Variants in ZSWIM9 observed in about 807,000 individuals in gnomAD.
ZSWIM9 encodes zinc finger SWIM-type containing 9, also known as uncharacterized protein ZSWIM9.
In ZSWIM9, 11 loss-of-function variants were observed where a neutral mutation model predicts 25.0. That is an observed-to-expected ratio of 0.44 (90% CI 0.28 to 0.73). The LOEUF (loss-of-function observed/expected upper bound fraction) is 0.73, where lower values mean the gene tolerates loss of function less well. Among genes scored for constraint, ZSWIM9 ranks in the 30% least tolerant of loss-of-function variants. ZSWIM9 has a pLI of 0.16. For synonymous variants in ZSWIM9, 562 were observed against 582.1 expected (o/e 0.97, Z 0.50); for missense variants, 1,070 against 1,296.5 (o/e 0.83, Z 2.68).
chr19:48,190,723 G>A (rs2037083930), intron 3 of ZSWIM9: 1 of 152,728 alleles, frequency 6.5e-6, no homozygotes, highest in South Asian at 2.1e-4. Context: ...CCAAAGCCCT[G>A]TCTGAATATG....
intron 2 of ZSWIM9, among the ~76,000 whole-genome samples, chr19:48,176,911 A>AT (rs1432865216): frequency 2.9e-4 from 43 of 150,256 alleles, no homozygotes; most frequent in African/African-American, 1.0e-3. Flanking sequence ...TAAAATAAAA[A>AT]TTAAAAAAAA....
Position 48,172,095 on chromosome 19 carries a change from G to T in ZSWIM9, c.275+18G>T. 3 of 1,492,706 alleles carry T rather than the reference G, an allele frequency of 2.0e-6. No homozygotes were observed. Among genetic ancestry groups the T allele is most frequent in the Non-Finnish European group, 2.7e-6 (3 of 1,119,794 alleles). The allele number at this position is 1,492,706 out of a possible 1,614,324, so 92.5% of individuals were successfully genotyped here. On this transcript the variant is annotated intron_variant, in intron 2 of 3. Transcript: ENST00000614654. Reference sequence around the variant, plus strand: ...GCCGTGGGGTGCGTGAACCTGAGCCGCTGTCCTGCTGGGGGGAAGGGGAGC... The same window carrying T: ...GCCGTGGGGTGCGTGAACCTGAGCCTCTGTCCTGCTGGGGGGAAGGGGAGC...
rs552431037 is a variant in ZSWIM9 at position 48,196,959 on chromosome 19, T to A, written c.*132T>A. The A allele has an allele frequency of 1.1e-6, 1 of 939,990 alleles. No individual in the cohort carries two copies. Among genetic ancestry groups the A allele is most frequent in the African/African-American group, 1.7e-5 (1 of 59,590 alleles). 58.2% of individuals were successfully genotyped at this position (939,990 alleles called of 1,614,324 possible). On this transcript the variant is annotated 3_prime_UTR_variant, in exon 4 of 4. Transcript: ENST00000614654. ...CCACCTTCTGGGTCATCCAGGGACCTCCTCATGGCAGTTTGCCTCTCTGGG... is the reference window on the plus strand; with the variant it reads ...CCACCTTCTGGGTCATCCAGGGACCACCTCATGGCAGTTTGCCTCTCTGGG...
chr19:48,196,395 C>A lies in ZSWIM9; in HGVS notation c.2331C>A (p.Gly777=). 8.1e-7 allele frequency: 1 copy of A among 1,232,432 alleles called. No individual in the cohort carries two copies. Among genetic ancestry groups the A allele is most frequent in the South Asian group, 4.1e-5 (1 of 24,320 alleles). 76.3% of individuals were successfully genotyped at this position (1,232,432 alleles called of 1,614,324 possible). A position where few individuals can be genotyped will look rare whatever the true frequency, so the allele number is the denominator to read the frequency against. ...SGTPVGTVLE[G]SPEWAAARSE... ...CCCCGGTGGGGACTGTATTGGAAGGCAGCCCAGAATGGGCAGCGGCGAGGA... is the reference window on the plus strand; with the variant it reads ...CCCCGGTGGGGACTGTATTGGAAGGAAGCCCAGAATGGGCAGCGGCGAGGA... Residue 777 remains glycine, a synonymous_variant, in exon 4 of 4, where the codon GGC becomes GGA. Transcript: ENST00000614654.
intron 3 of ZSWIM9, among the ~76,000 whole-genome samples, chr19:48,187,463 A>T (rs1212982678): frequency 1.4e-5 from 1 of 71,786 alleles, no homozygotes; most frequent in African/African-American, 5.5e-5. Context: ...TATATTAATT[A>T]TATATATTAT....
chr19:48,180,712 T>C (rs1599924974), intron 2 of ZSWIM9: 1 of 152,156 alleles, frequency 6.6e-6, no homozygotes, highest in East Asian at 1.9e-4. Flanking sequence ...GCTACCGCAA[T>C]GCTCGGAAAC....
At chr19:48,188,794 G>A (rs917131009) in intron 3 of ZSWIM9, among the ~76,000 whole-genome samples, 1 of 152,124 alleles carries the variant, frequency 6.6e-6, no homozygotes, top group Non-Finnish European at 1.5e-5. Context: ...CACTTTGGGA[G>A]GCTGAGGCGG....
Position 48,171,931 on chromosome 19 carries a change from G to A in ZSWIM9, c.129G>A (p.Ala43=). The stretch of plus-strand genomic sequence containing the variant: ...ACGCGTGGTGCCAGCAGCGGCTGGC[G>A]CTCTTCTTCGTCAAGAGCTCCATGC... The part of the protein sequence containing the change: ...FFDAWCQQRL[A]LFFVKSSMHL... Residue 43 remains alanine (A), a synonymous_variant, in exon 2 of 4, where the codon GCG becomes GCA. Coordinates refer to ENST00000614654, the MANE Select transcript of ZSWIM9 (RefSeq NM_199341.4). 1 of 1,535,818 alleles carries A rather than the reference G, an allele frequency of 6.5e-7. No homozygotes were observed. Among genetic ancestry groups the A allele is most frequent in the South Asian group, 1.2e-5 (1 of 84,048 alleles).
At chr19:48,184,184 G>A (rs1033651587) in intron 3 of ZSWIM9, among the ~76,000 whole-genome samples, 1 of 151,924 alleles carries the variant, frequency 6.6e-6, no homozygotes, top group African/African-American at 2.4e-5. Flanking sequence ...GAATTGGTCA[G>A]GGAAGGTCTC....
chr19:48,172,070 G>C lies in ZSWIM9; in HGVS notation c.268G>C (p.Ala90Pro). Residue 90 changes from alanine to proline, a missense_variant, in exon 2 of 4, where the codon GCC becomes CCC. Ala to Pro is a conservative substitution (Grantham distance 27). This residue lies in a region of ZSWIM9 where 265 missense variants were observed against 339.0 expected (regional missense o/e 0.78). Transcript: ENST00000614654. ...CKDVRAPSRP[A>P]VGPPQPGCPA... ...GGACGTGCGTGCGCCCAGCCGGCCC[G>C]CCGTGGGGTGCGTGAACCTGAGCCG... The C allele has an allele frequency of 7.9e-6, 12 of 1,517,580 alleles. No homozygotes were observed. The highest frequency in any genetic ancestry group is 9.7e-6 in the Non-Finnish European group (11 of 1,133,558). 94.0% of individuals were successfully genotyped at this position (1,517,580 alleles called of 1,614,324 possible). A position where few individuals can be genotyped will look rare whatever the true frequency, so the allele number is the denominator to read the frequency against.
At position 48,182,888 on chromosome 19, in the gene ZSWIM9, G is replaced by T. The variant is rs2007184; in HGVS notation, c.588+121G>T. 100,258 of 752,826 alleles carry T rather than the reference G, an allele frequency of 0.13. 7,779 individuals carry two copies. Among genetic ancestry groups the T allele is most frequent in the African/African-American group, 0.31 (17,337 of 56,676 alleles). The allele number at this position is 752,826 out of a possible 1,614,324, so 46.6% of individuals were successfully genotyped here. ...CTTCACTCCTTTCCTCCATTCATCC[G>T]TTCATTCATTCAATAAGTACTTACC... On this transcript the variant is annotated intron_variant, in intron 3 of 3. Coordinates refer to ENST00000614654, the MANE Select transcript of ZSWIM9 (RefSeq NM_199341.4). This position sits in a 1 kb window ranked among gnomAD's most constrained non-coding sequence, Gnocchi z 4.6.
In ZSWIM9 at chr19:48,197,124, AGAAG is replaced by A. The variant is rs1467639404; in HGVS notation, c.*305_*308del. On this transcript the variant is annotated 3_prime_UTR_variant, in exon 4 of 4. Coordinates refer to ENST00000614654, the MANE Select transcript of ZSWIM9 (RefSeq NM_199341.4). Reference sequence around the variant, plus strand: ...GGTGTAGACAGGGTCAGGCTGGGACAGAAGGAAGGAAAGGGGCAGAGCTGGGGGG... The same window carrying A: ...GGTGTAGACAGGGTCAGGCTGGGACAGAAGGAAAGGGGCAGAGCTGGGGGG... 8 of 667,620 alleles carry A rather than the reference AGAAG, an allele frequency of 1.2e-5. No homozygotes were observed. The highest frequency in any genetic ancestry group is 9.6e-5 in the South Asian group (6 of 62,408). The allele number at this position is 667,620 out of a possible 1,614,324, so 41.4% of individuals were successfully genotyped here.
At chr19:48,192,467 A>ATG (rs1186774255) in intron 3 of ZSWIM9, among the ~76,000 whole-genome samples, 444 of 36,958 alleles carry the variant, frequency 0.012, 82 homozygotes, top group East Asian at 0.035. Flanking sequence ...AAAAAAAAAA[A>ATG]AAAAAAAAAA....
Position 48,195,884 on chromosome 19 carries a change from C to T in ZSWIM9, c.1820C>T (p.Thr607Ile). Residue 607 changes from threonine (T) to isoleucine (I), a missense_variant, in exon 4 of 4, where the codon ACC (threonine) becomes ATC (isoleucine). By Grantham distance (89) the Thr-to-Ile change is moderately conservative (BLOSUM62 -1). This residue lies in a region of ZSWIM9 where 583 missense variants were observed against 624.7 expected (regional missense o/e 0.93). Coordinates refer to ENST00000614654, the MANE Select transcript of ZSWIM9 (RefSeq NM_199341.4). The surrounding 1 kb of genome is among the most constrained non-coding windows in gnomAD (Gnocchi z 5.8). ...VAQLEDRRST[T>I]DLRGTQFDYE... ...CAGCTGGAAGATCGCAGGAGTACCA[C>T]CGACCTGAGGGGGACCCAGTTTGAC... 1 of 1,404,878 alleles carries T rather than the reference C, an allele frequency of 7.1e-7. No homozygotes were observed. The allele number at this position is 1,404,878 out of a possible 1,614,324, so 87.0% of individuals were successfully genotyped here. A position where few individuals can be genotyped will look rare whatever the true frequency, so the allele number is the denominator to read the frequency against.
chr19:48,182,180 G>A lies in ZSWIM9; in HGVS notation c.276-275G>A, dbSNP rs2036954317. 5 of 495,704 alleles carry A rather than the reference G, an allele frequency of 1.0e-5. No individual in the cohort carries two copies. In the Admixed American group the frequency reaches 1.1e-4, roughly 11 times the overall value. The allele number at this position is 495,704 out of a possible 1,614,324, so 30.7% of individuals were successfully genotyped here. A position where few individuals can be genotyped will look rare whatever the true frequency, so the allele number is the denominator to read the frequency against. ...CTGCTTGCCATATTCCAGACACTGT[G>A]TAGGTGCTTTACCTATATTAACTCT... On this transcript the variant is annotated intron_variant, in intron 2 of 3. Coordinates refer to ENST00000614654, the MANE Select transcript of ZSWIM9 (RefSeq NM_199341.4). This position sits in a 1 kb window ranked among gnomAD's most constrained non-coding sequence, Gnocchi z 4.6.
chr19:48,177,149 A>G (rs1039068719), intron 2 of ZSWIM9, among the ~76,000 whole-genome samples: 2 of 152,204 alleles, frequency 1.3e-5, no homozygotes, highest in Admixed American at 6.5e-5. Context: ...GTCAGGGAAG[A>G]CTTCCTGGAG....
At chr19:48,181,294 T>G (rs1829355617) in intron 2 of ZSWIM9, 1 of 152,150 alleles carries the variant, frequency 6.6e-6, no homozygotes, top group African/African-American at 2.4e-5. Flanking sequence ...GTAACCACTA[T>G]CTAGCCTCCT....
intron 3 of ZSWIM9, among the ~76,000 whole-genome samples, chr19:48,186,938 G>T (rs766458731): frequency 5.3e-5 from 8 of 152,180 alleles, no homozygotes; most frequent in Non-Finnish European, 7.3e-5. Flanking sequence ...GTCACTGGGG[G>T]TGGGGGAAGA....
chr19:48,185,424 C>T (rs150425031), intron 3 of ZSWIM9, among the ~76,000 whole-genome samples: 6 of 152,252 alleles, frequency 3.9e-5, no homozygotes, highest in Non-Finnish European at 5.9e-5. Flanking sequence ...CATGAGCCAC[C>T]GTGCCCAGCC....
Sources: gnomAD v4.1 joint callset for allele counts (sites outside exome capture counted in the v4.1 genomes callset) on GRCh38, gnomAD v4.1.1 for gene constraint, gnomAD v4.1.1 regional missense constraint, Gnocchi (gnomAD v3.1) non-coding constraint, MANE v1.5 for transcripts, NCBI Gene and HGNC (gene_info 2026-07-23, HGNC 2026-07-21) for gene names.